Variants in NR6A1 observed in about 807,000 individuals in gnomAD.
NR6A1 encodes nuclear receptor subfamily 6 group A member 1.
In NR6A1, 7 loss-of-function variants were observed where a neutral mutation model predicts 59.1. The ratio of observed to expected loss-of-function variants is 0.12; its 90% CI spans 0.07 to 0.22. The LOEUF is 0.22. NR6A1 is among the 10% of genes least tolerant of loss of function. The pLI, the probability that NR6A1 is intolerant of heterozygous loss-of-function variation, is 1.00. For synonymous variants in NR6A1, 243 were observed against 236.1 expected (o/e 1.03, Z -0.27); for missense variants, 468 against 611.6 (o/e 0.77, Z 2.48).
chr9:124,686,832 T>G (rs532742220), intron 2 of NR6A1, among the ~76,000 whole-genome samples: 2 of 151,862 alleles, frequency 1.3e-5, no homozygotes, highest in Non-Finnish European at 2.9e-5. Context: ...GCCTCCTGAG[T>G]AGCTGGAGCC....
chr9:124,744,849 G>A (rs1017600719), intron 1 of NR6A1, among the ~76,000 whole-genome samples: 3 of 152,196 alleles, frequency 2.0e-5, no homozygotes, highest in African/African-American at 7.2e-5. Flanking sequence ...TGGTTTGATG[G>A]AAGAGAAGTA....
intron 1 of NR6A1, among the ~76,000 whole-genome samples, chr9:124,752,410 G>C (rs985032618): frequency 5.3e-5 from 8 of 151,810 alleles, no homozygotes; most frequent in African/African-American, 1.9e-4. Context: ...TTATAATCTA[G>C]GCTTCAATTA....
At chr9:124,665,611 A>G (rs918263801) in intron 2 of NR6A1, among the ~76,000 whole-genome samples, 10 of 152,246 alleles carry the variant, frequency 6.6e-5, no homozygotes, top group African/African-American at 2.4e-4. Context: ...GGAGCATTAA[A>G]TGTAAAGCAT....
chr9:124,650,698 C>T (rs1837074320), intron 2 of NR6A1, among the ~76,000 whole-genome samples: 1 of 152,050 alleles, frequency 6.6e-6, no homozygotes, highest in African/African-American at 2.4e-5. Context: ...TCACATGTAC[C>T]CTATAAATAT....
chr9:124,697,246 T>A (rs114157812), intron 2 of NR6A1, among the ~76,000 whole-genome samples: 1,936 of 152,236 alleles, frequency 0.013, 42 homozygotes, highest in African/African-American at 0.043. Context: ...AAGAAAAAGG[T>A]AACAAATACT....
At chr9:124,683,100 G>A (rs1343424695) in intron 2 of NR6A1, among the ~76,000 whole-genome samples, 1 of 152,164 alleles carries the variant, frequency 6.6e-6, no homozygotes, top group East Asian at 1.9e-4. Flanking sequence ...AACTTGGGAA[G>A]CTGAGGTGGG....
chr9:124,707,731 T>G (rs1314412067), intron 2 of NR6A1, among the ~76,000 whole-genome samples: 2 of 152,196 alleles, frequency 1.3e-5, no homozygotes, highest in Non-Finnish European at 2.9e-5. Context: ...CTCTGCAATG[T>G]GTAGTTCCTG....
rs190914676 is a variant in NR6A1 at position 124,684,471 on chromosome 9, C to T, written c.142+48837G>A. Among the ~76,000 whole-genome samples the T allele has an allele frequency of 3.1e-3, 474 of 152,270 alleles. 4 individuals are homozygous for T. The highest frequency in any genetic ancestry group is 0.015 in the South Asian group (70 of 4,824). ...GGAAAGGCTTCTGTAATGCCTTTGG[C>T]TTTTCTGAAATACCTTCAAGACACA... On this transcript the variant is annotated intron_variant, in intron 2 of 9. Transcript: ENST00000487099.
At chr9:124,675,090 C>T (rs1337110219) in intron 2 of NR6A1, among the ~76,000 whole-genome samples, 1 of 152,146 alleles carries the variant, frequency 6.6e-6, no homozygotes, top group Non-Finnish European at 1.5e-5. Context: ...TCCCATACTC[C>T]ACAAACTTCA....
At chr9:124,734,251 C>A (rs1272251763) in intron 1 of NR6A1, among the ~76,000 whole-genome samples, 1 of 152,244 alleles carries the variant, frequency 6.6e-6, no homozygotes, top group African/African-American at 2.4e-5. Flanking sequence ...ACTACTTGTT[C>A]AGCGTCTGAC....
chr9:124,730,774 GCATTAAC>G (rs1839861491), intron 2 of NR6A1, among the ~76,000 whole-genome samples: 1 of 151,978 alleles, frequency 6.6e-6, no homozygotes, highest in South Asian at 2.1e-4. Flanking sequence ...CAGAAAATGG[GCATTAAC>G]CATTTTCAAT....
intron 2 of NR6A1, among the ~76,000 whole-genome samples, chr9:124,725,586 G>A (rs371182353): frequency 6.6e-6 from 1 of 152,082 alleles, no homozygotes. Context: ...TCAGGAATCT[G>A]GGGAATGGGG....
intron 2 of NR6A1, among the ~76,000 whole-genome samples, chr9:124,630,210 G>GTTT (rs71372979): frequency 0.017 from 1,660 of 95,156 alleles, 45 homozygotes; most frequent in African/African-American, 0.031. Context: ...CTCCAAATCA[G>GTTT]TTTTTTTTTT....
chr9:124,633,351 C>T (rs1836502367), intron 2 of NR6A1, among the ~76,000 whole-genome samples: 1 of 139,184 alleles, frequency 7.2e-6, no homozygotes, highest in Non-Finnish European at 1.5e-5. Flanking sequence ...TGCAGTGAGT[C>T]GAGATCGCGC....
Position 124,518,866 on chromosome 9 carries a change from C to T in NR6A1, c.*3839G>A, listed in dbSNP as rs1171568507. 2 of 149,538 alleles carry T rather than the reference C, an allele frequency of 1.3e-5. No homozygotes were observed. Among genetic ancestry groups the T allele is most frequent in the African/African-American group, 2.5e-5 (1 of 40,444 alleles). The allele number at this position is 149,538 out of a possible 1,614,324, so 9.3% of individuals were successfully genotyped here. ...ATAATTGCAAAAATTTCAAAAGCAACAAGGAAAAAAGATACACACCAGGGG... is the reference window on the plus strand; with the variant it reads ...ATAATTGCAAAAATTTCAAAAGCAATAAGGAAAAAAGATACACACCAGGGG... On this transcript the variant is annotated 3_prime_UTR_variant, in exon 10 of 10. Coordinates refer to ENST00000487099, the MANE Select transcript of NR6A1 (RefSeq NM_033334.4).
chr9:124,537,994 A>C (rs958162214), intron 6 of NR6A1, 98 bp downstream of exon 6: 9 of 953,642 alleles, frequency 9.4e-6, no homozygotes, highest in Non-Finnish European at 1.3e-5. Context: ...CCCCCAACTC[A>C]TTCTGAAGCC....
chr9:124,586,990 T>A (rs1261154481), intron 2 of NR6A1, among the ~76,000 whole-genome samples: 3 of 152,216 alleles, frequency 2.0e-5, no homozygotes, highest in Admixed American at 1.3e-4. Flanking sequence ...AGAGAAATTT[T>A]TCATGAAAGG....
intron 2 of NR6A1, chr9:124,599,416 T>C: frequency 5.4e-6 from 2 of 369,560 alleles, no homozygotes; most frequent in Non-Finnish European, 1.0e-5. Flanking sequence ...CGATACATGG[T>C]CTCAAAAAAA....
At chr9:124,641,760 G>C (rs1172144647) in intron 2 of NR6A1, among the ~76,000 whole-genome samples, 1 of 152,192 alleles carries the variant, frequency 6.6e-6, no homozygotes, top group Non-Finnish European at 1.5e-5. Flanking sequence ...AGTGTCCTTG[G>C]CTTAAATAAA....
Sources: gnomAD v4.1 joint callset for allele counts (sites outside exome capture counted in the v4.1 genomes callset) on GRCh38, gnomAD v4.1.1 for gene constraint, MANE v1.5 for transcripts, NCBI Gene and HGNC (gene_info 2026-07-23, HGNC 2026-07-21) for gene names.